The following QRICH1 variants were observed in gnomAD, a reference collection of about 807,000 sequenced individuals.
QRICH1 encodes the protein glutamine rich 1.
Under a neutral mutation model 87.1 loss-of-function variants are expected in QRICH1, and 16 were observed. The ratio of observed to expected loss-of-function variants is 0.18; its 90% CI spans 0.12 to 0.28. QRICH1 has a LOEUF of 0.28. Ranked by LOEUF, QRICH1 falls within the 10% of genes least tolerant of loss-of-function variation. The probability of loss-of-function intolerance (pLI) is 1.00; values close to 1 mark genes in which losing one functional copy is unlikely to be tolerated. For synonymous variants in QRICH1, 367 were observed against 368.4 expected (o/e 1.00, Z 0.05); for missense variants, 647 against 951.7 (o/e 0.68, Z 4.21).
intron 8 of QRICH1, 41 bp from the exon 9 acceptor site, chr3:49,032,314 G>C (rs767565801): frequency 6.7e-7 from 1 of 1,499,998 alleles, no homozygotes; most frequent in African/African-American, 1.4e-5. Context: ...CCTGGCATCA[G>C]ACTGCCTTAC....
chr3:49,067,123 G>A (rs969836236), intron 2 of QRICH1, among the ~76,000 whole-genome samples: 5 of 152,132 alleles, frequency 3.3e-5, no homozygotes, highest in African/African-American at 1.2e-4. Flanking sequence ...GCTATTGTTA[G>A]CAGAAATACT....
intron 2 of QRICH1, among the ~76,000 whole-genome samples, chr3:49,062,261 G>C (rs550403909): frequency 6.6e-6 from 1 of 151,890 alleles, no homozygotes; most frequent in East Asian, 1.9e-4. Context: ...CCTGAACCTG[G>C]GAGGTGGAAG....
chr3:49,067,058 C>T (rs2093472820), intron 2 of QRICH1, among the ~76,000 whole-genome samples: 1 of 151,696 alleles, frequency 6.6e-6, no homozygotes. Flanking sequence ...AGAGAAATTA[C>T]TTATCAATGC....
Position 49,032,269 on chromosome 3 carries a change from T to C in QRICH1, c.2052A>G (p.Thr684=). ...LGIHQTGQKV[T]DDMYAEQTEN... ...CCGTCTGTTCTGCATACATGTCATC[T>C]GTAACTATAAAACACACATCCCCAC... is the stretch of plus-strand genomic sequence containing the variant. Residue 684 remains threonine, a synonymous_variant, in exon 9 of 10, where the codon ACA becomes ACG. Coordinates refer to ENST00000395443, the MANE Select transcript of QRICH1 (RefSeq NM_198880.3). 6.2e-7 allele frequency: 1 copy of C among 1,611,842 alleles called. No homozygotes were observed. The highest frequency in any genetic ancestry group is 8.5e-7 in the Non-Finnish European group (1 of 1,178,014).
At chr3:49,075,970 G>A (rs2041942966) in intron 2 of QRICH1, among the ~76,000 whole-genome samples, 1 of 152,050 alleles carries the variant, frequency 6.6e-6, no homozygotes, top group Non-Finnish European at 1.5e-5. Flanking sequence ...GTGGCCGGGT[G>A]CGGTGGCTCA....
Position 49,057,987 on chromosome 3 carries a change from C to CA in QRICH1, c.310-98dup. On this transcript the variant is annotated intron_variant, in intron 2 of 9. Coordinates refer to ENST00000395443, the MANE Select transcript of QRICH1 (RefSeq NM_198880.3). The surrounding 1 kb of genome is among the most constrained non-coding windows in gnomAD (Gnocchi z 5.4). ...AAAGAGATCCCAGACAGGGGACCTG[C>CA]AAAATGTGAGAAAACACTGGCATAC... 1 of 1,590,266 alleles carries CA rather than the reference C, an allele frequency of 6.3e-7. No homozygotes were observed.
intron 1 of QRICH1, among the ~76,000 whole-genome samples, chr3:49,090,628 C>A (rs867190629): frequency 4.0e-4 from 48 of 119,484 alleles, no homozygotes; most frequent in Middle Eastern, 4.2e-3. Context: ...AACTCCATCT[C>A]AAAAAAAAAA....
intron 2 of QRICH1, among the ~76,000 whole-genome samples, chr3:49,066,520 A>G (rs752516454): frequency 6.7e-6 from 1 of 149,982 alleles, no homozygotes; most frequent in Non-Finnish European, 1.5e-5. Context: ...GCTGGAATGC[A>G]GTGGCGCAAT....
At chr3:49,047,004 GTCC>G in intron 4 of QRICH1, 62 bp downstream of exon 4, 1 of 1,532,262 alleles carries the variant, frequency 6.5e-7, no homozygotes, top group Non-Finnish European at 8.8e-7. Context: ...CTGGCATTTT[GTCC>G]TCCTGTTACT....
chr3:49,068,951 G>T (rs1455161030), intron 2 of QRICH1, among the ~76,000 whole-genome samples: 1 of 151,620 alleles, frequency 6.6e-6, no homozygotes, highest in Non-Finnish European at 1.5e-5. Context: ...AAAATTTAAA[G>T]TAGAAAGGAA....
intron 1 of QRICH1, among the ~76,000 whole-genome samples, chr3:49,077,943 A>G (rs916343805): frequency 9.2e-5 from 14 of 152,228 alleles, no homozygotes; most frequent in Non-Finnish European, 1.6e-4. Context: ...CTTAAGAATT[A>G]ACCTGCAGAC....
At chr3:49,031,014 A>G (rs946861862) in intron 9 of QRICH1, among the ~76,000 whole-genome samples, 1 of 128,888 alleles carries the variant, frequency 7.8e-6, no homozygotes, top group African/African-American at 3.0e-5. Flanking sequence ...TTTTTTTGAG[A>G]TGGCGTCTTG....
At chr3:49,046,684 G>GT in intron 4 of QRICH1, 105 bp from the exon 5 acceptor site, 1 of 1,222,110 alleles carries the variant, frequency 8.2e-7, no homozygotes, top group Non-Finnish European at 1.1e-6. Flanking sequence ...ATGCTCACTT[G>GT]TATCTACTAG....
intron 1 of QRICH1, chr3:49,093,204 G>A (rs1223577675): frequency 6.6e-6 from 1 of 152,138 alleles, no homozygotes; most frequent in Non-Finnish European, 1.5e-5. Flanking sequence ...AAACCAAGAG[G>A]GCTTGGTTTC....
Position 49,047,083 on chromosome 3 carries a change from A to G in QRICH1, c.1502T>C (p.Leu501Ser). The change falls in exon 4 of 10, where the codon TTG becomes TCG. Residue 501 changes from leucine to serine, a missense_variant. By Grantham distance (145) the Leu-to-Ser change is moderately radical. Coordinates refer to ENST00000395443, the MANE Select transcript of QRICH1 (RefSeq NM_198880.3). The part of the protein sequence containing the change: ...AELEKDAQNR[L>S]APIGRRQLLR... Reference sequence around the variant, plus strand: ...AAGACACTCACTCCCAATGGGTGCCAATCTGTTCTGAGCATCCTTCTCTAG... The same window carrying G: ...AAGACACTCACTCCCAATGGGTGCCGATCTGTTCTGAGCATCCTTCTCTAG... 1 of 1,613,616 alleles carries G rather than the reference A, an allele frequency of 6.2e-7. No individual in the cohort carries two copies. Among genetic ancestry groups the G allele is most frequent in the Non-Finnish European group, 8.5e-7 (1 of 1,179,684 alleles).
intron 2 of QRICH1, among the ~76,000 whole-genome samples, chr3:49,073,948 T>C (rs2041899524): frequency 1.3e-5 from 2 of 151,526 alleles, no homozygotes; most frequent in Non-Finnish European, 2.9e-5. Context: ...CCCTGGGTAA[T>C]TTTTTTTTAT....
intron 5 of QRICH1, among the ~76,000 whole-genome samples, chr3:49,046,210 C>T (rs545344039): frequency 5.9e-4 from 89 of 151,282 alleles, no homozygotes; most frequent in South Asian, 3.1e-3. Context: ...GAGCCACCAG[C>T]GCCCGGCCCC....
intron 2 of QRICH1, among the ~76,000 whole-genome samples, chr3:49,062,831 C>G (rs534641043): frequency 4.0e-5 from 6 of 151,880 alleles, no homozygotes; most frequent in African/African-American, 1.4e-4. Flanking sequence ...CATGGTGAAA[C>G]CCCATTTCTA....
chr3:49,042,803 T>C (rs770603843), intron 6 of QRICH1, among the ~76,000 whole-genome samples: 5 of 151,880 alleles, frequency 3.3e-5, no homozygotes, highest in Admixed American at 6.6e-5. Flanking sequence ...GAACTCCCAA[T>C]ATTCAGTGAT....
Sources: gnomAD v4.1 joint callset for allele counts (sites outside exome capture counted in the v4.1 genomes callset) on GRCh38, gnomAD v4.1.1 for gene constraint, Gnocchi (gnomAD v3.1) non-coding constraint, MANE v1.5 for transcripts, NCBI Gene and HGNC (gene_info 2026-07-23, HGNC 2026-07-21) for gene names.